PCDHGB4: variants seen among roughly 807,000 people sequenced by gnomAD.
PCDHGB4 encodes the protein protocadherin gamma-B4.
Under a neutral mutation model 60.5 loss-of-function variants are expected in PCDHGB4, and 38 were observed. The ratio of observed to expected loss-of-function variants is 0.63; its 90% CI spans 0.48 to 0.82. PCDHGB4 has a LOEUF of 0.82. Ranked by LOEUF, PCDHGB4 falls within the 40% of genes least tolerant of loss-of-function variation. The pLI is 0.00. For synonymous variants in PCDHGB4, 456 were observed against 509.7 expected (o/e 0.89, Z 1.42); for missense variants, 1,109 against 1,209.6 (o/e 0.92, Z 1.23).
intron 1 of PCDHGB4, chr5:141,415,772 T>TTC: frequency 7.5e-7 from 1 of 1,332,986 alleles, no homozygotes; most frequent in Non-Finnish European, 9.6e-7. Flanking sequence ...TTTTTTTTTT[T>TTC]ACTTTCTGGT....
At position 141,387,764 on chromosome 5, in the gene PCDHGB4, A is replaced by T; in HGVS notation, c.-121A>T. The T allele has an allele frequency of 7.0e-7, 1 of 1,430,464 alleles. No homozygotes were observed. Among genetic ancestry groups the T allele is most frequent in the Non-Finnish European group, 9.3e-7 (1 of 1,076,992 alleles). 88.6% of individuals were successfully genotyped at this position (1,430,464 alleles called of 1,614,324 possible). A position where few individuals can be genotyped will look rare whatever the true frequency, so the allele number is the denominator to read the frequency against. On this transcript the variant is annotated 5_prime_UTR_variant, in exon 1 of 4. Transcript: ENST00000519479. ...CCGCTTCCTCCTCGGAAAAAGAAGA[A>T]TTTTTTCTTGAACTGGAACTGCAAC...
At chr5:141,481,739 G>A (rs1034725934) in intron 1 of PCDHGB4, among the ~76,000 whole-genome samples, 1 of 152,082 alleles carries the variant, frequency 6.6e-6, no homozygotes, top group Non-Finnish European at 1.5e-5. Flanking sequence ...GGATCACGAG[G>A]TCAGGAGTCC....
rs1430647254 is a variant in PCDHGB4 at position 141,477,750 on chromosome 5, C to T, written c.2398-17057C>T. On this transcript the variant is annotated intron_variant, in intron 1 of 3. Coordinates refer to ENST00000519479, the MANE Select transcript of PCDHGB4 (RefSeq NM_003736.4). This position sits in a 1 kb window ranked among gnomAD's most constrained non-coding sequence, Gnocchi z 4.9. ...GCTCATATCAGCGATGGGGGCACCC[C>T]GGTCCTAGCCACCAACATCAGCGTG... 8 of 1,613,772 alleles carry T rather than the reference C, an allele frequency of 5.0e-6. No individual in the cohort carries two copies. Among genetic ancestry groups the T allele is most frequent in the East Asian group, 2.2e-5 (1 of 44,890 alleles).
At chr5:141,409,936 A>G in intron 1 of PCDHGB4, 2 of 1,613,064 alleles carry the variant, frequency 1.2e-6, no homozygotes, top group Non-Finnish European at 1.7e-6. Context: ...TCGATATGGT[A>G]CCTCGCTCTG....
intron 1 of PCDHGB4, chr5:141,403,951 G>C: frequency 6.2e-7 from 1 of 1,613,882 alleles, no homozygotes. Flanking sequence ...GGACAAAAGT[G>C]CTCATTTCGG....
At chr5:141,498,919 C>T (rs897611505) in intron 2 of PCDHGB4, among the ~76,000 whole-genome samples, 34 of 122,310 alleles carry the variant, frequency 2.8e-4, no homozygotes, top group African/African-American at 3.4e-4. Flanking sequence ...GGTGACAGAG[C>T]GAGACTCCAT....
At position 141,489,559 on chromosome 5, in the gene PCDHGB4, C is replaced by A; in HGVS notation, c.2398-5248C>A. ...CAGCACCAGCTGCCTGCTGCCAGTG[C>A]AGGTGGTGACTGAACACCCCCTGGA... On this transcript the variant is annotated intron_variant, in intron 1 of 3. Coordinates refer to ENST00000519479, the MANE Select transcript of PCDHGB4 (RefSeq NM_003736.4). This position sits in a 1 kb window ranked among gnomAD's most constrained non-coding sequence, Gnocchi z 4.5. The A allele has an allele frequency of 6.2e-7, 1 of 1,614,078 alleles. No homozygotes were observed. The highest frequency in any genetic ancestry group is 8.5e-7 in the Non-Finnish European group (1 of 1,180,014).
Position 141,423,756 on chromosome 5 carries a change from G to GA in PCDHGB4, c.2397+33475_2397+33476insA. ...GCCTGTTATGAAAACTGTTTGGGGGGGGGGTGGGGCGGCATATATTTAGTT... is the reference window on the plus strand; with the variant it reads ...GCCTGTTATGAAAACTGTTTGGGGGGAGGGGTGGGGCGGCATATATTTAGTT... On this transcript the variant is annotated intron_variant, in intron 1 of 3. Transcript: ENST00000519479. 2 of 448,622 alleles carry GA rather than the reference G, an allele frequency of 4.5e-6. 1 individual carries two copies. The highest frequency in any genetic ancestry group is 6.1e-6 in the Non-Finnish European group (2 of 329,708). 27.8% of individuals were successfully genotyped at this position (448,622 alleles called of 1,614,324 possible). A position where few individuals can be genotyped will look rare whatever the true frequency, so the allele number is the denominator to read the frequency against.
chr5:141,419,878 G>T (rs1342215231), intron 1 of PCDHGB4: 1 of 1,613,942 alleles, frequency 6.2e-7, no homozygotes, highest in African/African-American at 1.3e-5. Context: ...AGGTACTGCC[G>T]GATTTCAGCG....
At chr5:141,393,276 C>T (rs773579763) in intron 1 of PCDHGB4, 1 of 1,613,968 alleles carries the variant, frequency 6.2e-7, no homozygotes, top group African/African-American at 1.3e-5. Context: ...TTATCCACTC[C>T]CAGAAGCTGT....
At chr5:141,415,801 A>G (rs560476453) in intron 1 of PCDHGB4, 12 of 1,373,384 alleles carry the variant, frequency 8.7e-6, no homozygotes, top group East Asian at 5.3e-5. Flanking sequence ...CCTAGTCTCA[A>G]TCAAGGCCTA....
At chr5:141,459,814 T>C (rs757306281) in intron 1 of PCDHGB4, among the ~76,000 whole-genome samples, 1 of 152,256 alleles carries the variant, frequency 6.6e-6, no homozygotes, top group African/African-American at 2.4e-5. Flanking sequence ...CTAGAGACAC[T>C]GAGCAACTTT....
chr5:141,431,700 TC>T lies in PCDHGB4; in HGVS notation c.2397+41420del. On this transcript the variant is annotated intron_variant, in intron 1 of 3. Coordinates refer to ENST00000519479, the MANE Select transcript of PCDHGB4 (RefSeq NM_003736.4). The surrounding 1 kb of genome is among the most constrained non-coding windows in gnomAD (Gnocchi z 4.8). ...GAGTTGGACCACGAGGAGTCAGGAT[TC>T]TACCAGATGGAAGTGCAAGCAATGG... 6.2e-7 allele frequency: 1 copy of T among 1,614,218 alleles called. No individual in the cohort carries two copies.
At chr5:141,452,227 T>C (rs2098736376) in intron 1 of PCDHGB4, among the ~76,000 whole-genome samples, 1 of 152,232 alleles carries the variant, frequency 6.6e-6, no homozygotes, top group African/African-American at 2.4e-5. Context: ...CTCTTCAAGC[T>C]GGTTCTTGTG....
At chr5:141,481,390 G>A (rs553179819) in intron 1 of PCDHGB4, among the ~76,000 whole-genome samples, 2 of 152,346 alleles carry the variant, frequency 1.3e-5, no homozygotes, top group East Asian at 3.9e-4. Context: ...TTGGAGGGAT[G>A]TGACAAAATT....
intron 1 of PCDHGB4, chr5:141,403,784 G>C: frequency 1.9e-6 from 3 of 1,613,906 alleles, no homozygotes; most frequent in East Asian, 2.2e-5. Context: ...CGGAAAAGTG[G>C]CATACAAATT....
Position 141,485,138 on chromosome 5 carries a change from T to A in PCDHGB4, c.2398-9669T>A, listed in dbSNP as rs374309554. On this transcript the variant is annotated intron_variant, in intron 1 of 3. Coordinates refer to ENST00000519479, the MANE Select transcript of PCDHGB4 (RefSeq NM_003736.4). This position sits in a 1 kb window ranked among gnomAD's most constrained non-coding sequence, Gnocchi z 5.7. ...TTGGGGCGGGTCGGCTTCATCCGCG[T>A]CTCAGGAGCAAGTAGAGAATTAGCG... is the stretch of plus-strand genomic sequence containing the variant. 17 of 1,528,690 alleles carry A rather than the reference T, an allele frequency of 1.1e-5. No individual in the cohort carries two copies. The highest frequency in any genetic ancestry group is 1.3e-5 in the Non-Finnish European group (14 of 1,109,458). 94.7% of individuals were successfully genotyped at this position (1,528,690 alleles called of 1,614,324 possible).
intron 1 of PCDHGB4, chr5:141,419,330 C>G (rs2096361200): frequency 1.9e-6 from 3 of 1,613,958 alleles, no homozygotes; most frequent in Non-Finnish European, 2.5e-6. Context: ...CTCCTACTCT[C>G]TCATTGCCAG....
chr5:141,447,689 AG>A lies in PCDHGB4; in HGVS notation c.2398-47115del, dbSNP rs145694922. ...TTAGAACTGTTCCATATCTTGATAGAGGGATGGGTTATAAGGATGTACACAT... is the reference window on the plus strand; with the variant it reads ...TTAGAACTGTTCCATATCTTGATAGAGGATGGGTTATAAGGATGTACACAT... On this transcript the variant is annotated intron_variant, in intron 1 of 3. Coordinates refer to ENST00000519479, the MANE Select transcript of PCDHGB4 (RefSeq NM_003736.4). Among the ~76,000 whole-genome samples the A allele has an allele frequency of 4.6e-3, 694 of 152,302 alleles. 4 individuals are homozygous for A. The highest frequency in any genetic ancestry group is 0.015 in the African/African-American group (633 of 41,566).
Sources: gnomAD v4.1 joint callset for allele counts (sites outside exome capture counted in the v4.1 genomes callset) on GRCh38, gnomAD v4.1.1 for gene constraint, Gnocchi (gnomAD v3.1) non-coding constraint, MANE v1.5 for transcripts, NCBI Gene and HGNC (gene_info 2026-07-23, HGNC 2026-07-21) for gene names.